EPHA2: variants seen among roughly 807,000 people sequenced by gnomAD.
EPHA2 encodes ephrin type-A receptor 2.
A neutral mutation model predicts 104.9 loss-of-function variants in EPHA2; 54 were observed. The observed-to-expected ratio is 0.51, with a 90% CI of 0.41 to 0.65. The LOEUF is 0.65. Among genes scored for constraint, EPHA2 ranks in the 30% least tolerant of loss-of-function variants. The probability of loss-of-function intolerance (pLI) is 0.00; values close to 1 mark genes in which losing one functional copy is unlikely to be tolerated. For synonymous variants in EPHA2, 560 were observed against 559.1 expected (o/e 1.00, Z -0.02); for missense variants, 1,117 against 1,369.5 (o/e 0.82, Z 2.91).
Position 16,150,924 on chromosome 1 carries a change from C to A in EPHA2, c.125G>T (p.Gly42Val). 1 of 1,614,108 alleles carries A rather than the reference C, an allele frequency of 6.2e-7. No individual in the cohort carries two copies. Among genetic ancestry groups the A allele is most frequent in the South Asian group, 1.1e-5 (1 of 91,080 alleles). ...LDFAAAGGEL[G>V]WLTHPYGKGW... ...TTTGCCATACGGGTGTGTGAGCCAG[C>A]CGAGCTCCCCTCCAGCTGCAGCAAA... Residue 42 changes from glycine (G) to valine (V), a missense_variant, in exon 2 of 17, where the codon GGC becomes GTC. Gly to Val is a moderately radical substitution (Grantham distance 109). Coordinates refer to ENST00000358432, the MANE Select transcript of EPHA2 (RefSeq NM_004431.5). The surrounding 1 kb of genome is among the most constrained non-coding windows in gnomAD (Gnocchi z 4.8).
At chr1:16,140,358 C>G (rs946079370) in intron 3 of EPHA2, among the ~76,000 whole-genome samples, 1 of 152,226 alleles carries the variant, frequency 6.6e-6, no homozygotes, top group Non-Finnish European at 1.5e-5. Flanking sequence ...AGGCCCGGGA[C>G]CCGACTCCTG....
In EPHA2 at chr1:16,133,164, A is replaced by G; in HGVS notation, c.2053+16T>C. 6.2e-7 allele frequency: 1 copy of G among 1,612,712 alleles called. No homozygotes were observed. The highest frequency in any genetic ancestry group is 1.3e-5 in the African/African-American group (1 of 74,962). Reference sequence around the variant, plus strand: ...TGGCCCCTCTCCACCCAGTGTGGGCAGGCCCCAAGCCTCACATTTGGAGAT... The same window carrying G: ...TGGCCCCTCTCCACCCAGTGTGGGCGGGCCCCAAGCCTCACATTTGGAGAT... On this transcript the variant is annotated intron_variant, in intron 11 of 16. Transcript: ENST00000358432.
intron 3 of EPHA2, among the ~76,000 whole-genome samples, chr1:16,141,392 A>G (rs901764438): frequency 6.6e-5 from 10 of 152,248 alleles, no homozygotes; most frequent in African/African-American, 2.2e-4. Flanking sequence ...ACATATCTGC[A>G]TGATACAAAA....
At chr1:16,144,802 C>A (rs957765639) in intron 3 of EPHA2, among the ~76,000 whole-genome samples, 2 of 138,030 alleles carry the variant, frequency 1.4e-5, no homozygotes, top group African/African-American at 3.6e-5. Context: ...GCCAGGCCCC[C>A]GTTCTTTTGG....
intron 3 of EPHA2, among the ~76,000 whole-genome samples, chr1:16,143,207 T>TAGGGGTGGATGGGTGG (rs2024861248): frequency 1.2e-5 from 1 of 81,660 alleles, no homozygotes; most frequent in Non-Finnish European, 2.5e-5. Context: ...TGGATGGATG[T>TAGGGGTGGATGGGTGG]AGGGGTGGAT....
rs1433412961 is a variant in EPHA2 at position 16,137,991 on chromosome 1, GT to G, written c.1173del (p.Leu392Ter). The G allele has an allele frequency of 6.2e-7, 1 of 1,613,990 alleles. No homozygotes were observed. Among genetic ancestry groups the G allele is most frequent in the Non-Finnish European group, 8.5e-7 (1 of 1,180,054 alleles). Reference sequence around the variant, plus strand: ...CTCACTGTCACACTGGTGCGGGTCAGTCCGTGAGGAGGCTCCGAGTAGCGCA... The same window carrying G: ...CTCACTGTCACACTGGTGCGGGTCAGCCGTGAGGAGGCTCCGAGTAGCGCA... ...ASVRYSEPPH[G>X]LTRTSVTVSD... On this transcript the variant is annotated frameshift_variant, in exon 5 of 17. Coordinates refer to ENST00000358432, the MANE Select transcript of EPHA2 (RefSeq NM_004431.5). LOFTEE classifies it high-confidence loss of function.
rs2024545911 is a variant in EPHA2 at position 16,130,145 on chromosome 1, G to C, written c.2669+81C>G. On this transcript the variant is annotated intron_variant, in intron 15 of 16. Coordinates refer to ENST00000358432, the MANE Select transcript of EPHA2 (RefSeq NM_004431.5). This position sits in a 1 kb window ranked among gnomAD's most constrained non-coding sequence, Gnocchi z 4.5. ...AGCACCCCCCCTACCAGCTTCACCT[G>C]GGTGGCCACTCTACCGAAGTGGTTC... The C allele has an allele frequency of 4.4e-6, 7 of 1,583,024 alleles. No homozygotes were observed. Among genetic ancestry groups the C allele is most frequent in the Non-Finnish European group, 6.1e-6 (7 of 1,153,498 alleles).
intron 1 of EPHA2, among the ~76,000 whole-genome samples, chr1:16,152,557 G>A (rs1424921372): frequency 6.6e-6 from 1 of 152,144 alleles, no homozygotes; most frequent in Non-Finnish European, 1.5e-5. Context: ...CCAGGGCCGG[G>A]GCTTTGAAAC....
rs751625812 is a variant in EPHA2, at chr1:16,138,069, A to C, written c.1096T>G (p.Cys366Gly). The C allele has an allele frequency of 6.2e-7, 1 of 1,612,694 alleles. No homozygotes were observed. The highest frequency in any genetic ancestry group is 2.2e-5 in the East Asian group (1 of 44,886). Residue 366 changes from cysteine (C) to glycine (G), a missense_variant, in exon 5 of 17, where the codon TGC becomes GGC. Physicochemically the swap from Cys to Gly is radical, Grantham distance 159 (BLOSUM62 -3). Coordinates refer to ENST00000358432, the MANE Select transcript of EPHA2 (RefSeq NM_004431.5). ...GREDIVYSVTCEQCWPESGEC... is the reference protein window; with the variant it reads ...GREDIVYSVTGEQCWPESGEC... The stretch of plus-strand genomic sequence containing the variant: ...CCAGACTCGGGCCAGCACTGTTCGC[A>C]GGTGACGCTGTAGACAATGTCCTCG...
chr1:16,146,829 G>C (rs2024943208), intron 3 of EPHA2, among the ~76,000 whole-genome samples: 1 of 152,312 alleles, frequency 6.6e-6, no homozygotes, highest in South Asian at 2.1e-4. Flanking sequence ...CCCCTCCAGG[G>C]GCTGCAGGAT....
chr1:16,140,754 A>G (rs1371995140), intron 3 of EPHA2, among the ~76,000 whole-genome samples: 2 of 152,068 alleles, frequency 1.3e-5, no homozygotes, highest in East Asian at 3.9e-4. Flanking sequence ...GAGTAGCTGG[A>G]ACTACAGGCA....
Position 16,138,329 on chromosome 1 carries a change from A to G in EPHA2, c.925T>C (p.Cys309Arg), listed in dbSNP as rs201934420. The change falls in exon 4 of 17, where the codon TGT becomes CGT. Residue 309 changes from cysteine (C) to arginine (R), a missense_variant. By Grantham distance (180) the Cys-to-Arg change is radical (BLOSUM62 -3). Around this residue, in one of 3 missense-constraint regions of EPHA2, gnomAD observed 664 missense variants for 784.8 expected, o/e 0.85. Transcript: ENST00000358432. ...PSPEGATSCE[C>R]EEGFFRAPQD... ...GGTGCCCGGAAGAAGCCTTCCTCAC[A>G]CTCGCAGGAGGTGGCACCCTCAGGG... 6 of 1,613,736 alleles carry G rather than the reference A, an allele frequency of 3.7e-6. No homozygotes were observed. The highest frequency in any genetic ancestry group is 2.7e-5 in the African/African-American group (2 of 75,024).
At position 16,125,298 on chromosome 1, in the gene EPHA2, G is replaced by A. The variant is rs913445751; in HGVS notation, c.2848C>T (p.Arg950Trp). 1.1e-5 allele frequency: 17 copies of A among 1,483,326 alleles called. No homozygotes were observed. The highest frequency in any genetic ancestry group is 1.8e-4 in the Middle Eastern group (1 of 5,460). 91.9% of individuals were successfully genotyped at this position (1,483,326 alleles called of 1,614,324 possible). A position where few individuals can be genotyped will look rare whatever the true frequency, so the allele number is the denominator to read the frequency against. The change falls in exon 17 of 17, where the codon CGG becomes TGG. Residue 950 changes from arginine to tryptophan, a missense_variant. Physicochemically the swap from Arg to Trp is moderately radical, Grantham distance 101. Around this residue, in one of 3 missense-constraint regions of EPHA2, gnomAD observed 340 missense variants for 480.5 expected, o/e 0.71. Transcript: ENST00000358432. This position sits in a 1 kb window ranked among gnomAD's most constrained non-coding sequence, Gnocchi z 4.9. ...ATGCGCTTCTGGTGGCCGGGCAGCC[G>A]CACCCCAATCCTCTTGATGTCGCTG... ...TNDDIKRIGV[R>W]LPGHQKRIAY... is the part of the protein sequence containing the mutation.
rs1254041503 is a variant in EPHA2 at position 16,153,124 on chromosome 1, T to TG, written c.86-2162dup. 4.1e-5 allele frequency: 36 copies of TG among 870,384 alleles called. No homozygotes were observed. The African/African-American group carries it at 8.3e-4, about 20-fold the overall frequency. 53.9% of individuals were successfully genotyped at this position (870,384 alleles called of 1,614,324 possible). On this transcript the variant is annotated intron_variant, in intron 1 of 16. Coordinates refer to ENST00000358432, the MANE Select transcript of EPHA2 (RefSeq NM_004431.5). Reference sequence around the variant, plus strand: ...CTCTATCCCCTTACCTTCCCATTTCTGGGGGGAAAAAAAAAAAGCAAAAAA... The same window carrying TG: ...CTCTATCCCCTTACCTTCCCATTTCTGGGGGGGAAAAAAAAAAAGCAAAAAA...
At chr1:16,145,606 C>T (rs1195281086) in intron 3 of EPHA2, among the ~76,000 whole-genome samples, 3 of 152,090 alleles carry the variant, frequency 2.0e-5, no homozygotes. Context: ...AGACCCTGTG[C>T]CTCCCTCTGG....
chr1:16,129,637 C>G (rs1177582235), intron 15 of EPHA2, 48 bp from the exon 16 acceptor site: 3 of 1,572,560 alleles, frequency 1.9e-6, no homozygotes, highest in Non-Finnish European at 2.6e-6. Context: ...CCCAGTCCAC[C>G]CTGGGCCCTG....
At chr1:16,132,331 G>A (rs771544356) in intron 12 of EPHA2, 47 bp downstream of exon 12, 4 of 1,613,946 alleles carry the variant, frequency 2.5e-6, no homozygotes, top group South Asian at 2.2e-5. Context: ...GGCCAGCCCC[G>A]GGCTCAATGG....
intron 2 of EPHA2, among the ~76,000 whole-genome samples, chr1:16,149,653 G>T (rs939703580): frequency 5.9e-5 from 9 of 152,172 alleles, no homozygotes; most frequent in Non-Finnish European, 1.3e-4. Flanking sequence ...AGAATTCCCA[G>T]GTTAGGCTAC....
intron 3 of EPHA2, among the ~76,000 whole-genome samples, chr1:16,142,359 A>G (rs555104750): frequency 4.6e-5 from 7 of 152,234 alleles, no homozygotes; most frequent in Admixed American, 2.6e-4. Context: ...CTCCATTTGA[A>G]ATTATTCCTG....
Sources: gnomAD v4.1 joint callset for allele counts (sites outside exome capture counted in the v4.1 genomes callset) on GRCh38, gnomAD v4.1.1 for gene constraint, gnomAD v4.1.1 regional missense constraint, Gnocchi (gnomAD v3.1) non-coding constraint, MANE v1.5 for transcripts, NCBI Gene and HGNC (gene_info 2026-07-23, HGNC 2026-07-21) for gene names.